ARPP19: variants seen among roughly 807,000 people sequenced by gnomAD.
ARPP19 encodes cAMP-regulated phosphoprotein 19.
Under a neutral mutation model 12.0 loss-of-function variants are expected in ARPP19, and 8 were observed. The ratio of observed to expected loss-of-function variants is 0.67; its 90% CI spans 0.39 to 1.21. ARPP19 has a LOEUF of 1.21. ARPP19 is among the 50% of genes most tolerant of loss of function. The probability of loss-of-function intolerance (pLI) is 0.01; values close to 1 mark genes in which losing one functional copy is unlikely to be tolerated. For missense variants in ARPP19, 102 were observed against 136.3 expected, an observed-to-expected ratio of 0.75 and a Z score of 1.25; for synonymous variants, 47 against 50.4, an observed-to-expected ratio of 0.93 and a Z score of 0.29.
At chr15:52,569,185 C>T (rs532601483), upstream of ARPP19, 22 of 441,726 alleles carry the variant, frequency 5.0e-5, no homozygotes, top group South Asian at 4.9e-4. Flanking sequence ...GCCGCTCCTG[C>T]CTCACCTCAC....
chr15:52,566,794 G>C (rs1212588249), intron 1 of ARPP19, among the ~76,000 whole-genome samples: 1 of 149,418 alleles, frequency 6.7e-6, no homozygotes, highest in Non-Finnish European at 1.5e-5. Context: ...TATTTTTTAT[G>C]TTTGTACATA....
intron 1 of ARPP19, among the ~76,000 whole-genome samples, chr15:52,566,804 A>AT (rs58379357): frequency 0.11 from 17,454 of 152,160 alleles, 1,092 homozygotes; most frequent in Middle Eastern, 0.18. Flanking sequence ...GTTTGTACAT[A>AT]TTGTTTCCTA....
In ARPP19 at chr15:52,547,157, G is replaced by A. The variant is rs1386214125; in HGVS notation, c.*4777C>T. The A allele has an allele frequency of 6.7e-6, 1 of 148,428 alleles. No individual in the cohort carries two copies. Among genetic ancestry groups the A allele is most frequent in the Non-Finnish European group, 1.5e-5 (1 of 67,462 alleles). 9.2% of individuals were successfully genotyped at this position (148,428 alleles called of 1,614,324 possible). A position where few individuals can be genotyped will look rare whatever the true frequency, so the allele number is the denominator to read the frequency against. ...TTTCTTCCTGCATACAGTAATAGCT[G>A]AAATGTAAAGAGATCAACTTCAGAA... On this transcript the variant is annotated 3_prime_UTR_variant, in exon 3 of 3. Coordinates refer to ENST00000249822, the MANE Select transcript of ARPP19 (RefSeq NM_006628.6).
rs2077916432 is a variant in ARPP19 at position 52,550,240 on chromosome 15, T to G, written c.*1694A>C. On this transcript the variant is annotated 3_prime_UTR_variant, in exon 3 of 3. Coordinates refer to ENST00000249822, the MANE Select transcript of ARPP19 (RefSeq NM_006628.6). ...GTAAACTTGTCCCAGTAAAGTCTGC[T>G]AAGTTCTAACTAGATAAGCCACAAG... 6.6e-6 allele frequency: 1 copy of G among 152,244 alleles called. No homozygotes were observed. The highest frequency in any genetic ancestry group is 2.4e-5 in the African/African-American group (1 of 41,456). 9.4% of individuals were successfully genotyped at this position (152,244 alleles called of 1,614,324 possible). A position where few individuals can be genotyped will look rare whatever the true frequency, so the allele number is the denominator to read the frequency against.
chr15:52,563,449 AC>A (rs1354144796), intron 1 of ARPP19, among the ~76,000 whole-genome samples: 4 of 152,192 alleles, frequency 2.6e-5, no homozygotes, highest in African/African-American at 9.6e-5. Context: ...AAAAACAAAA[AC>A]AAAAATCTTA....
chr15:52,553,010 G>T (rs943705169), intron 2 of ARPP19, among the ~76,000 whole-genome samples: 2 of 152,120 alleles, frequency 1.3e-5, no homozygotes. Context: ...CCGGGGTGTG[G>T]AGGTTGCAGA....
rs770980269 is a variant in ARPP19 at position 52,568,880 on chromosome 15, C to T, written c.13G>A (p.Val5Ile). 1 of 1,575,098 alleles carries T rather than the reference C, an allele frequency of 6.3e-7. No homozygotes were observed. Among genetic ancestry groups the T allele is most frequent in the South Asian group, 1.1e-5 (1 of 87,198 alleles). ...TCCTCCGCGGAGGCTGCCTCGGGGA[C>T]TTCCGCAGACATAGTGCTCCCTCTG... Reference protein sequence around the residue: MSAEVPEAASAEEQK... With the variant: MSAEIPEAASAEEQK... Residue 5 changes from valine (V) to isoleucine (I), a missense_variant, in exon 1 of 3, where the codon GTC (valine) becomes ATC (isoleucine). Physicochemically the swap from Val to Ile is conservative, Grantham distance 29 (BLOSUM62 3). Coordinates refer to ENST00000249822, the MANE Select transcript of ARPP19 (RefSeq NM_006628.6).
At chr15:52,567,782 A>C (rs1351636306) in intron 1 of ARPP19, among the ~76,000 whole-genome samples, 1 of 152,220 alleles carries the variant, frequency 6.6e-6, no homozygotes, top group Non-Finnish European at 1.5e-5. Context: ...TTTTAAGAAC[A>C]TATGGAATGG....
chr15:52,561,628 T>C (rs1451031883), intron 1 of ARPP19, among the ~76,000 whole-genome samples: 2 of 151,766 alleles, frequency 1.3e-5, no homozygotes, highest in Non-Finnish European at 2.9e-5. Flanking sequence ...AAAAGGAGTG[T>C]TGGGGAGAGC....
chr15:52,560,532 T>C (rs1212982328), intron 1 of ARPP19, among the ~76,000 whole-genome samples: 1 of 152,228 alleles, frequency 6.6e-6, no homozygotes, highest in Non-Finnish European at 1.5e-5. Context: ...ATTCAGAATT[T>C]CAGTTGGATT....
chr15:52,551,938 C>A lies in ARPP19; in HGVS notation c.335G>T (p.Gly112Val). 6.2e-7 allele frequency: 1 copy of A among 1,611,690 alleles called. No homozygotes were observed. Among genetic ancestry groups the A allele is most frequent in the Non-Finnish European group, 8.5e-7 (1 of 1,178,404 alleles). ...TCATGCAGTTCAGCCTCTTAATCAG[C>A]CAGCCAGCTTGCTAGCAACAAGGGA... ...KPSLVASKLA[G>V] The change falls in exon 3 of 3, where the codon GGC becomes GTC. Residue 112 changes from glycine to valine, a missense_variant. Coordinates refer to ENST00000249822, the MANE Select transcript of ARPP19 (RefSeq NM_006628.6).
chr15:52,559,426 T>C (rs2078012380), intron 1 of ARPP19, among the ~76,000 whole-genome samples: 1 of 152,192 alleles, frequency 6.6e-6, no homozygotes, highest in South Asian at 2.1e-4. Context: ...TACAAGCCTA[T>C]TACCTTAGCT....
rs2077894958 is a variant in ARPP19, at chr15:52,548,153, T to C, written c.*3781A>G. On this transcript the variant is annotated 3_prime_UTR_variant, in exon 3 of 3. Coordinates refer to ENST00000249822, the MANE Select transcript of ARPP19 (RefSeq NM_006628.6). ...ACCTGAGGCAACCTTGGTCCAAAAA[T>C]ATTATGTGGAAAATTCCAGAAATAA... 1 of 152,214 alleles carries C rather than the reference T, an allele frequency of 6.6e-6. No homozygotes were observed. Among genetic ancestry groups the C allele is most frequent in the Non-Finnish European group, 1.5e-5 (1 of 68,038 alleles). 9.4% of individuals were successfully genotyped at this position (152,214 alleles called of 1,614,324 possible).
chr15:52,568,340 T>A (rs1467551260), intron 1 of ARPP19: 1 of 153,288 alleles, frequency 6.5e-6, no homozygotes, highest in Non-Finnish European at 1.5e-5. Context: ...ATTCGGCCTT[T>A]ACAGGTGAAG....
rs1566900735 is a variant in ARPP19 at position 52,568,990 on chromosome 15, C to T, written c.-98G>A. 2.3e-6 allele frequency: 2 copies of T among 871,506 alleles called. No homozygotes were observed. Among genetic ancestry groups the T allele is most frequent in the Non-Finnish European group, 3.5e-6 (2 of 574,770 alleles). The allele number at this position is 871,506 out of a possible 1,614,324, so 54.0% of individuals were successfully genotyped here. ...CCGTCCCAGCTCTCCCAGGGCCCGCCGGGCCGCCTCCGCCCGCGAAAATGG... is the reference window on the plus strand; with the variant it reads ...CCGTCCCAGCTCTCCCAGGGCCCGCTGGGCCGCCTCCGCCCGCGAAAATGG... On this transcript the variant is annotated 5_prime_UTR_variant, in exon 1 of 3. Transcript: ENST00000249822.
chr15:52,555,751 T>C (rs924682767), intron 2 of ARPP19, among the ~76,000 whole-genome samples: 2 of 152,044 alleles, frequency 1.3e-5, no homozygotes, highest in African/African-American at 4.8e-5. Context: ...GCATATTAGT[T>C]TCATTCAACT....
intron 1 of ARPP19, among the ~76,000 whole-genome samples, chr15:52,559,549 G>A (rs2078013402): frequency 6.6e-6 from 1 of 152,156 alleles, no homozygotes; most frequent in Non-Finnish European, 1.5e-5. Context: ...ATATGATTAT[G>A]CCTTCTCTAG....
rs144790664 is a variant in ARPP19, at chr15:52,547,432, G to T, written c.*4502C>A. On this transcript the variant is annotated 3_prime_UTR_variant, in exon 3 of 3. Transcript: ENST00000249822. ...GGCGAAGTGTTCTATTGCATCACAAGTGCTAGTGATGCAGTAACAGATCCA... is the reference window on the plus strand; with the variant it reads ...GGCGAAGTGTTCTATTGCATCACAATTGCTAGTGATGCAGTAACAGATCCA... The T allele has an allele frequency of 1.5e-3, 225 of 152,304 alleles. No individual in the cohort carries two copies. Among genetic ancestry groups the T allele is most frequent in the African/African-American group, 5.3e-3 (220 of 41,558 alleles). The allele number at this position is 152,304 out of a possible 1,614,324, so 9.4% of individuals were successfully genotyped here.
chr15:52,569,386 C>T, upstream of ARPP19: 1 of 200,236 alleles, frequency 5.0e-6, no homozygotes, highest in Non-Finnish European at 1.0e-5. Context: ...GTCTTTTGGG[C>T]ACGCCAAAAG....
Sources: allele counts gnomAD v4.1 joint callset (sites outside exome capture counted in the v4.1 genomes callset), GRCh38; gene constraint gnomAD v4.1.1; transcripts MANE v1.5; gene names NCBI Gene and HGNC (gene_info 2026-07-23, HGNC 2026-07-21).